The following AP3B1 variants were observed in gnomAD, a reference collection of about 807,000 sequenced individuals.
AP3B1 encodes adaptor related protein complex 3 subunit beta 1.
A neutral mutation model predicts 132.5 loss-of-function variants in AP3B1; 61 were observed. The observed-to-expected ratio is 0.46, with a 90% confidence interval of 0.37 to 0.57. The LOEUF is 0.57. Ranked by LOEUF, AP3B1 falls within the 20% of genes least tolerant of loss-of-function variation. The pLI, the probability that AP3B1 is intolerant of heterozygous loss-of-function variation, is 0.00. For synonymous variants in AP3B1, 388 were observed against 438.3 expected (o/e 0.89, Z 1.43); for missense variants, 1,120 against 1,289.4 (o/e 0.87, Z 2.01).
At chr5:78,213,230 T>G (rs969522947) in intron 7 of AP3B1, among the ~76,000 whole-genome samples, 1 of 152,142 alleles carries the variant, frequency 6.6e-6, no homozygotes, top group African/African-American at 2.4e-5. Flanking sequence ...GCTAAAAAGT[T>G]GGAAGCAACA....
At chr5:78,104,805 C>G (rs1017782994) in intron 20 of AP3B1, among the ~76,000 whole-genome samples, 1 of 152,080 alleles carries the variant, frequency 6.6e-6, no homozygotes. Context: ...AGTGACTGAT[C>G]GTTAGAGCAC....
chr5:78,023,464 AAAG>A (rs1333608987), intron 24 of AP3B1, among the ~76,000 whole-genome samples: 3 of 151,556 alleles, frequency 2.0e-5, no homozygotes, highest in Admixed American at 1.3e-4. Context: ...AAAGAAAAGA[AAAG>A]AAAAAAGAAA....
intron 17 of AP3B1, among the ~76,000 whole-genome samples, chr5:78,119,898 C>T (rs927699362): frequency 5.3e-5 from 8 of 152,088 alleles, no homozygotes; most frequent in African/African-American, 1.9e-4. Flanking sequence ...TCAGATTCAC[C>T]AAACTTGAAA....
chr5:78,230,016 G>A (rs1746576937), intron 3 of AP3B1, among the ~76,000 whole-genome samples: 1 of 151,752 alleles, frequency 6.6e-6, no homozygotes, highest in Non-Finnish European at 1.5e-5. Flanking sequence ...ATTTTTTTCA[G>A]CGTGACACTA....
chr5:78,208,906 G>T (rs996387833), intron 7 of AP3B1, among the ~76,000 whole-genome samples: 1 of 139,244 alleles, frequency 7.2e-6, no homozygotes, highest in African/African-American at 2.7e-5. Flanking sequence ...ATAGGAAAAT[G>T]AACACCTATG....
chr5:78,006,917 G>C (rs1246951091), intron 26 of AP3B1, among the ~76,000 whole-genome samples: 1 of 152,022 alleles, frequency 6.6e-6, no homozygotes, highest in African/African-American at 2.4e-5. Context: ...TTACGAAAAA[G>C]ACAGAATAAG....
chr5:78,266,055 T>G (rs755447749), intron 2 of AP3B1, among the ~76,000 whole-genome samples: 9 of 152,186 alleles, frequency 5.9e-5, no homozygotes, highest in Admixed American at 2.6e-4. Flanking sequence ...TGACAGATTT[T>G]GAAAGAAGTG....
intron 22 of AP3B1, among the ~76,000 whole-genome samples, chr5:78,085,121 G>C (rs1750184322): frequency 6.6e-6 from 1 of 152,154 alleles, no homozygotes; most frequent in Non-Finnish European, 1.5e-5. Flanking sequence ...TACATATTTT[G>C]ATGGCTTTTT....
At chr5:78,290,290 T>C (rs1749457019) in intron 1 of AP3B1, among the ~76,000 whole-genome samples, 1 of 152,190 alleles carries the variant, frequency 6.6e-6, no homozygotes, top group African/African-American at 2.4e-5. Flanking sequence ...TCTCACTATG[T>C]TGCCCAGGCT....
At chr5:78,097,471 C>T (rs1382441360) in intron 21 of AP3B1, among the ~76,000 whole-genome samples, 5 of 129,854 alleles carry the variant, frequency 3.9e-5, no homozygotes, top group Admixed American at 3.7e-4. Flanking sequence ...AGTGAGGAGC[C>T]CCTCTGCCCG....
Position 78,141,412 on chromosome 5 carries a change from A to G in AP3B1, c.1474-93T>C, listed in dbSNP as rs1753142527. 3 of 942,484 alleles carry G rather than the reference A, an allele frequency of 3.2e-6. No homozygotes were observed. The Admixed American group carries it at 7.2e-5, about 23-fold the overall frequency. 58.4% of individuals were successfully genotyped at this position (942,484 alleles called of 1,614,324 possible). On this transcript the variant is annotated intron_variant, in intron 14 of 26. Coordinates refer to ENST00000255194, the MANE Select transcript of AP3B1 (RefSeq NM_003664.5). ...GTTTTAACTATTACAAAAGTTTTAC[A>G]GCTATTAATTAATTTAATGTATATC...
At chr5:78,160,458 T>C (rs1164641996) in intron 13 of AP3B1, among the ~76,000 whole-genome samples, 3 of 152,120 alleles carry the variant, frequency 2.0e-5, no homozygotes, top group African/African-American at 4.8e-5. Flanking sequence ...AGAGTAATAA[T>C]AGGCTGTTTT....
intron 11 of AP3B1, among the ~76,000 whole-genome samples, chr5:78,169,856 A>G (rs1393649069): frequency 6.6e-6 from 1 of 152,054 alleles, no homozygotes; most frequent in Non-Finnish European, 1.5e-5. Flanking sequence ...TGCTGCACCC[A>G]ACAACTCGTC....
chr5:78,141,344 G>T (rs373292406), intron 14 of AP3B1, 25 bp from the exon 15 acceptor site: 48 of 1,595,532 alleles, frequency 3.0e-5, no homozygotes, highest in Non-Finnish European at 3.9e-5. Context: ...AGATTACATA[G>T]TTAGAAGTAA....
At chr5:78,162,022 T>A (rs1743408138) in intron 13 of AP3B1, among the ~76,000 whole-genome samples, 1 of 152,144 alleles carries the variant, frequency 6.6e-6, no homozygotes, top group Admixed American at 6.5e-5. Flanking sequence ...TAGTATATTT[T>A]AAATTCCACA....
At chr5:78,216,997 A>G (rs1469401992) in intron 6 of AP3B1, among the ~76,000 whole-genome samples, 1 of 152,172 alleles carries the variant, frequency 6.6e-6, no homozygotes, top group Non-Finnish European at 1.5e-5. Context: ...ACTAAGCAGA[A>G]TATATATTAT....
intron 22 of AP3B1, among the ~76,000 whole-genome samples, chr5:78,066,880 C>T (rs556619930): frequency 1.4e-4 from 21 of 151,902 alleles, no homozygotes; most frequent in African/African-American, 4.6e-4. Flanking sequence ...TTACCAATGT[C>T]GAAATGAAAG....
At chr5:78,044,063 G>T in intron 22 of AP3B1, 3 of 301,848 alleles carry the variant, frequency 9.9e-6, no homozygotes, top group South Asian at 3.6e-5. Flanking sequence ...GATGACGAGA[G>T]ACATGAGTTG....
At position 78,177,426 on chromosome 5, in the gene AP3B1, G is replaced by A. The variant is rs2112405599; in HGVS notation, c.953C>T (p.Ala318Val). Residue 318 changes from alanine (A) to valine (V), a missense_variant, in exon 9 of 27, where the codon GCA becomes GTA. This residue lies in a region of AP3B1 where 906 missense variants were observed against 997.1 expected (regional missense o/e 0.91). Transcript: ENST00000255194. ...LQSRNAAVVMAVAQLYWHISP... is the reference protein window; with the variant it reads ...LQSRNAAVVMVVAQLYWHISP... ...TATGTGCCAATACAGCTGAGCAACT[G>A]CCATAACCACCTACAAGATAAAGCA... The A allele has an allele frequency of 1.2e-6, 2 of 1,612,808 alleles. No individual in the cohort carries two copies. The highest frequency in any genetic ancestry group is 1.7e-6 in the Non-Finnish European group (2 of 1,178,848).
Sources: gnomAD v4.1 joint callset for allele counts (sites outside exome capture counted in the v4.1 genomes callset) on GRCh38, gnomAD v4.1.1 for gene constraint, gnomAD v4.1.1 regional missense constraint, MANE v1.5 for transcripts, NCBI Gene and HGNC (gene_info 2026-07-23, HGNC 2026-07-21) for gene names.